The following XRCC6 variants were observed in gnomAD, a reference collection of about 807,000 sequenced individuals.
XRCC6 encodes DNA repair protein Ku70.
In XRCC6, 5 loss-of-function variants were observed where a neutral mutation model predicts 65.7. The observed-to-expected ratio is 0.08, with a 90% CI of 0.04 to 0.16. The LOEUF (loss-of-function observed/expected upper bound fraction) is 0.16. Among genes scored for constraint, XRCC6 ranks in the 10% least tolerant of loss-of-function variants. The pLI is 1.00. For missense variants in XRCC6, 447 were observed against 738.1 expected, an observed-to-expected ratio of 0.61 and a Z score of 4.57; for synonymous variants, 270 against 270.6, an observed-to-expected ratio of 1.00 and a Z score of 0.02.
At chr22:41,622,161 C>T in intron 2 of XRCC6, 75 bp downstream of exon 2, 1 of 1,512,286 alleles carries the variant, frequency 6.6e-7, no homozygotes, top group Admixed American at 1.8e-5. Context: ...GCTGGATGGA[C>T]TTTGCTGTTT....
At chr22:41,652,776 C>T (rs536254826) in intron 8 of XRCC6, among the ~76,000 whole-genome samples, 2 of 152,230 alleles carry the variant, frequency 1.3e-5, no homozygotes, top group Admixed American at 6.5e-5. Context: ...TGAATTCAAG[C>T]GATTCTTCTG....
chr22:41,646,830 T>G, intron 6 of XRCC6, 66 bp from the exon 7 acceptor site: 1 of 1,346,906 alleles, frequency 7.4e-7, no homozygotes, highest in Non-Finnish European at 1.0e-6. Flanking sequence ...TTTGGTGTTA[T>G]GAGGGAATTT....
intron 8 of XRCC6, among the ~76,000 whole-genome samples, chr22:41,651,720 GTT>G (rs1220134336): frequency 2.6e-5 from 4 of 151,782 alleles, no homozygotes; most frequent in African/African-American, 9.7e-5. Context: ...TAGAGACGAG[GTT>G]TCACCATTTT....
At chr22:41,658,471 A>AC (rs2068066573) in intron 11 of XRCC6, 119 bp downstream of exon 11, 3 of 921,648 alleles carry the variant, frequency 3.3e-6, no homozygotes, top group South Asian at 3.0e-5. Flanking sequence ...CATTCCCCAG[A>AC]CCCCCTCTGT....
At chr22:41,648,652 G>A (rs935522333) in intron 7 of XRCC6, among the ~76,000 whole-genome samples, 5 of 152,104 alleles carry the variant, frequency 3.3e-5, no homozygotes, top group Admixed American at 3.3e-4. Context: ...CTTCCTGTAT[G>A]CAAAATGTGG....
rs78411531 is a variant in XRCC6 at position 41,634,764 on chromosome 22, C to G, written c.196-1349C>G. On this transcript the variant is annotated intron_variant, in intron 3 of 12. Coordinates refer to ENST00000360079, the MANE Select transcript of XRCC6 (RefSeq NM_001469.5). ...TTCACCATGTTGGTCAGAATGGTCT[C>G]GAACTCCTGACCTCGTCATCTGCTC... Among the ~76,000 whole-genome samples, 132 of 150,044 alleles carry G rather than the reference C, an allele frequency of 8.8e-4. 1 individual carries two copies. The East Asian group carries it at 0.023, about 26-fold the overall frequency.
chr22:41,642,494 G>A (rs1484945345), intron 6 of XRCC6, among the ~76,000 whole-genome samples: 1 of 152,146 alleles, frequency 6.6e-6, no homozygotes, highest in Non-Finnish European at 1.5e-5. Context: ...GGTTGCCTAT[G>A]CTTCTGGAGT....
In XRCC6 at chr22:41,637,695, A is replaced by G. The variant is rs767358697; in HGVS notation, c.677A>G (p.Asp226Gly). The G allele has an allele frequency of 6.2e-7, 1 of 1,613,560 alleles. No individual in the cohort carries two copies. Among genetic ancestry groups the G allele is most frequent in the Non-Finnish European group, 8.5e-7 (1 of 1,179,888 alleles). The change falls in exon 6 of 13, where the codon GAT (aspartate) becomes GGT (glycine). Residue 226 changes from aspartate (D) to glycine (G), a missense_variant. Asp to Gly is a moderately conservative substitution (Grantham distance 94, BLOSUM62 -1). Around this residue, in one of 4 missense-constraint regions of XRCC6, gnomAD observed 228 missense variants for 307.4 expected, o/e 0.74. Transcript: ENST00000360079. ...FYRDIISIAE[D>G]EDLRVHFEES... The stretch of plus-strand genomic sequence containing the variant: ...AGAGATATCATCAGCATAGCAGAGG[A>G]TGAGGACCTCAGGGTTCACTTTGAG...
intron 9 of XRCC6, among the ~76,000 whole-genome samples, chr22:41,655,938 A>G (rs1487973233): frequency 6.6e-6 from 1 of 151,814 alleles, no homozygotes; most frequent in African/African-American, 2.4e-5. Context: ...TAGTTAAAAT[A>G]GAAAAGGAGG....
Position 41,663,309 on chromosome 22 carries a change from A to G in XRCC6, c.1637-313A>G, listed in dbSNP as rs1165441874. ...AGAGCCAGGGTCTCACTGTATTACC[A>G]AGGCTGGTCATGAACCTGTAAAAGA... On this transcript the variant is annotated intron_variant, in intron 12 of 12. Coordinates refer to ENST00000360079, the MANE Select transcript of XRCC6 (RefSeq NM_001469.5). 3.1e-4 allele frequency among the ~76,000 whole-genome samples: 47 copies of G among 152,082 alleles called. 1 individual carries two copies. Among genetic ancestry groups the G allele is most frequent in the Admixed American group, 2.9e-3 (44 of 15,260 alleles).
At chr22:41,651,880 T>A (rs2068003057) in intron 8 of XRCC6, among the ~76,000 whole-genome samples, 1 of 151,846 alleles carries the variant, frequency 6.6e-6, no homozygotes, top group Non-Finnish European at 1.5e-5. Context: ...GTCCCCTGGG[T>A]TCAAGCGAGT....
intron 11 of XRCC6, among the ~76,000 whole-genome samples, chr22:41,660,932 G>T (rs945341288): frequency 1.3e-5 from 2 of 151,934 alleles, no homozygotes; most frequent in African/African-American, 2.4e-5. Context: ...AAATCAAGAG[G>T]CTGAGGCAGG....
intron 7 of XRCC6, among the ~76,000 whole-genome samples, chr22:41,649,345 T>A (rs2067972118): frequency 6.7e-6 from 1 of 150,272 alleles, no homozygotes; most frequent in Non-Finnish European, 1.5e-5. Flanking sequence ...TTTTTGTATT[T>A]TTTTTTTTTT....
intron 6 of XRCC6, among the ~76,000 whole-genome samples, chr22:41,646,027 A>C (rs145212987): frequency 1.3e-5 from 2 of 152,102 alleles, no homozygotes; most frequent in East Asian, 3.9e-4. Flanking sequence ...GACAAGGCCA[A>C]ACATGGTAGC....
intron 10 of XRCC6, 104 bp downstream of exon 10, chr22:41,657,136 C>T: frequency 7.4e-7 from 1 of 1,345,792 alleles, no homozygotes; most frequent in Non-Finnish European, 9.9e-7. Context: ...TTTCAGCAAA[C>T]TGACAGATTA....
intron 12 of XRCC6, among the ~76,000 whole-genome samples, chr22:41,663,073 T>G (rs1017862168): frequency 1.9e-4 from 29 of 152,124 alleles, no homozygotes; most frequent in Non-Finnish European, 5.9e-5. Flanking sequence ...AGAGTGAGAC[T>G]CCATCTCAAA....
rs144528750 is a variant in XRCC6 at position 41,625,570 on chromosome 22, T to G, written c.83-2548T>G. Among the ~76,000 whole-genome samples, 10 of 152,348 alleles carry G rather than the reference T, an allele frequency of 6.6e-5. No homozygotes were observed. The East Asian group carries it at 1.5e-3, about 24-fold the overall frequency. The stretch of plus-strand genomic sequence containing the variant: ...CCTTTTTAGGAAAAAATATGTTACT[T>G]ATGATAAAGTCATGCTGAAGAAAGA... On this transcript the variant is annotated intron_variant, in intron 2 of 12. Transcript: ENST00000360079.
chr22:41,628,403 C>A, intron 3 of XRCC6, 173 bp downstream of exon 3: 1 of 498,282 alleles, frequency 2.0e-6, no homozygotes, highest in Non-Finnish European at 3.6e-6. Context: ...ACAAAAAATA[C>A]ACAAATCATC....
intron 6 of XRCC6, among the ~76,000 whole-genome samples, chr22:41,644,202 T>C (rs943027164): frequency 1.3e-5 from 2 of 152,086 alleles, no homozygotes; most frequent in African/African-American, 4.8e-5. Context: ...TTTTTATAAG[T>C]GTATTGTTTA....
Sources: gnomAD v4.1 joint callset for allele counts (sites outside exome capture counted in the v4.1 genomes callset) on GRCh38, gnomAD v4.1.1 for gene constraint, gnomAD v4.1.1 regional missense constraint, MANE v1.5 for transcripts, NCBI Gene and HGNC (gene_info 2026-07-23, HGNC 2026-07-21) for gene names.